Variants in HPCAL1 observed in about 807,000 individuals in gnomAD.
HPCAL1 encodes the protein hippocalcin-like protein 1.
Under a neutral mutation model 17.1 loss-of-function variants are expected in HPCAL1, and 8 were observed. The ratio of observed to expected loss-of-function variants is 0.47; its 90% confidence interval spans 0.27 to 0.84. The LOEUF (loss-of-function observed/expected upper bound fraction) is 0.84, where lower values mean the gene tolerates loss of function less well. Among genes scored for constraint, HPCAL1 ranks in the 40% least tolerant of loss-of-function variants. HPCAL1 has a pLI of 0.13. For missense variants in HPCAL1, 165 were observed against 271.1 expected (o/e 0.61, Z 2.75); for synonymous variants, 112 against 111.4 (o/e 1.01, Z -0.03).
chr2:10,363,702 G>A lies in HPCAL1; in HGVS notation c.-110-33133G>A, dbSNP rs906961201. Among the ~76,000 whole-genome samples, 12 of 152,200 alleles carry A rather than the reference G, an allele frequency of 7.9e-5. No individual in the cohort carries two copies. Among genetic ancestry groups the A allele is most frequent in the Non-Finnish European group, 1.2e-4 (8 of 68,032 alleles). On this transcript the variant is annotated intron_variant, in intron 1 of 4. Coordinates refer to ENST00000307845, the MANE Select transcript of HPCAL1 (RefSeq NM_002149.4). This position sits in a 1 kb window ranked among gnomAD's most constrained non-coding sequence, Gnocchi z 4.7. The stretch of plus-strand genomic sequence containing the variant: ...GGAATCTGCATTTTAAACAAGCTCC[G>A]GAGGTGGCTCTGAGGCCAGCCACAG...
intron 2 of HPCAL1, among the ~76,000 whole-genome samples, chr2:10,399,475 T>TCACCAC: frequency 3.4e-5 from 1 of 29,390 alleles, no homozygotes; most frequent in South Asian, 1.0e-3. Flanking sequence ...ATCACCATCA[T>TCACCAC]CACCACCATC....
At chr2:10,387,496 A>G (rs1668393563) in intron 1 of HPCAL1, among the ~76,000 whole-genome samples, 1 of 152,296 alleles carries the variant, frequency 6.6e-6, no homozygotes, top group South Asian at 2.1e-4. Flanking sequence ...GGGCACAGGG[A>G]CAACCTCACC....
In HPCAL1 at chr2:10,395,465, T is replaced by C. The variant is rs1322374573; in HGVS notation, c.-110-1370T>C. Among the ~76,000 whole-genome samples, 1 of 114,258 alleles carries C rather than the reference T, an allele frequency of 8.8e-6. No individual in the cohort carries two copies. Among genetic ancestry groups the C allele is most frequent in the African/African-American group, 3.3e-5 (1 of 30,534 alleles). 75.0% of individuals were successfully genotyped at this position (114,258 alleles called of 152,430 possible). ...CTTGTGGCGCTCACAGTCAGGGGGG[T>C]GGGTTGGTGGGTGGGTGGAAGGAGG... is the stretch of plus-strand genomic sequence containing the variant. On this transcript the variant is annotated intron_variant, in intron 1 of 4. Coordinates refer to ENST00000307845, the MANE Select transcript of HPCAL1 (RefSeq NM_002149.4). This position sits in a 1 kb window ranked among gnomAD's most constrained non-coding sequence, Gnocchi z 4.4.
chr2:10,409,266 T>G (rs182891274), intron 2 of HPCAL1, among the ~76,000 whole-genome samples: 138 of 152,238 alleles, frequency 9.1e-4, no homozygotes, highest in African/African-American at 3.0e-3. Flanking sequence ...GGGCGGGGTC[T>G]CAGCTCAGGC....
intron 1 of HPCAL1, among the ~76,000 whole-genome samples, chr2:10,361,032 A>G (rs1666490804): frequency 6.8e-6 from 1 of 147,812 alleles, no homozygotes; most frequent in South Asian, 2.2e-4. Flanking sequence ...TGGGAATGAC[A>G]TAGTCGGACA....
chr2:10,427,173 C>T lies in HPCAL1; in HGVS notation c.*352C>T, dbSNP rs146566442. 8.8e-5 allele frequency: 22 copies of T among 249,894 alleles called. No individual in the cohort carries two copies. In the East Asian group the frequency reaches 1.8e-3, roughly 20 times the overall value. The allele number at this position is 249,894 out of a possible 1,614,324, so 15.5% of individuals were successfully genotyped here. A position where few individuals can be genotyped will look rare whatever the true frequency, so the allele number is the denominator to read the frequency against. On this transcript the variant is annotated 3_prime_UTR_variant, in exon 5 of 5. Transcript: ENST00000307845. ...GAGGCTGCGCCCCGGCCGGCCCATG[C>T]GTTTTGTGATCCCAAGTGACTCTGT...
At chr2:10,376,969 T>C (rs141053708) in intron 1 of HPCAL1, among the ~76,000 whole-genome samples, 2,765 of 145,608 alleles carry the variant, frequency 0.019, 113 homozygotes, top group South Asian at 0.08. Context: ...CATACCGTAT[T>C]GTATTGTGTG....
rs569439661 is a variant in HPCAL1, at chr2:10,362,381, G to A, written c.-110-34454G>A. Among the ~76,000 whole-genome samples the A allele has an allele frequency of 2.0e-4, 30 of 152,254 alleles. No homozygotes were observed. The highest frequency in any genetic ancestry group is 5.8e-4 in the African/African-American group (24 of 41,554). On this transcript the variant is annotated intron_variant, in intron 1 of 4. Coordinates refer to ENST00000307845, the MANE Select transcript of HPCAL1 (RefSeq NM_002149.4). This position sits in a 1 kb window ranked among gnomAD's most constrained non-coding sequence, Gnocchi z 5.0. ...GCCACATGACAGCAAGCAGAGCCTC[G>A]AATGCCTGAGTCCTGGCTCCAGAGA...
At chr2:10,314,247 A>G (rs1294465648) in intron 1 of HPCAL1, among the ~76,000 whole-genome samples, 1 of 151,164 alleles carries the variant, frequency 6.6e-6, no homozygotes, top group Non-Finnish European at 1.5e-5. Flanking sequence ...AACTGATAAC[A>G]TTGAGGAATA....
chr2:10,334,850 G>A (rs1483710716), intron 1 of HPCAL1, among the ~76,000 whole-genome samples: 1 of 152,040 alleles, frequency 6.6e-6, no homozygotes, highest in African/African-American at 2.4e-5. Flanking sequence ...GCTAATTTTT[G>A]TATTTTTTAT....
At position 10,412,904 on chromosome 2, in the gene HPCAL1, T is replaced by C. The variant is rs531203299; in HGVS notation, c.-24-6830T>C. Among the ~76,000 whole-genome samples, 12 of 152,292 alleles carry C rather than the reference T, an allele frequency of 7.9e-5. 1 individual carries two copies. Among genetic ancestry groups the C allele is most frequent in the Admixed American group, 1.3e-4 (2 of 15,308 alleles). ...TGATCAAGGTCATAGGCACAGTCTTTCTTTTCTTTTTCTTGTTCTCCTTGT... is the reference window on the plus strand; with the variant it reads ...TGATCAAGGTCATAGGCACAGTCTTCCTTTTCTTTTTCTTGTTCTCCTTGT... On this transcript the variant is annotated intron_variant, in intron 2 of 4. Coordinates refer to ENST00000307845, the MANE Select transcript of HPCAL1 (RefSeq NM_002149.4).
chr2:10,397,499 C>T (rs1033199693), intron 2 of HPCAL1, among the ~76,000 whole-genome samples: 2 of 149,272 alleles, frequency 1.3e-5, no homozygotes, highest in African/African-American at 5.0e-5. Context: ...TGTCTGAATC[C>T]GCCACCCTGC....
intron 2 of HPCAL1, among the ~76,000 whole-genome samples, chr2:10,403,204 G>A (rs527632351): frequency 2.1e-4 from 32 of 152,234 alleles, no homozygotes; most frequent in Middle Eastern, 6.8e-3. Flanking sequence ...CAGGTGCTTT[G>A]GAAGCCTCCT....
At chr2:10,317,113 C>G (rs1477391116) in intron 1 of HPCAL1, among the ~76,000 whole-genome samples, 1 of 152,170 alleles carries the variant, frequency 6.6e-6, no homozygotes, top group Non-Finnish European at 1.5e-5. Context: ...CCCAGTTGTC[C>G]TGGAAAAGAA....
intron 1 of HPCAL1, among the ~76,000 whole-genome samples, chr2:10,308,616 G>T (rs1662769817): frequency 6.6e-6 from 1 of 152,102 alleles, no homozygotes; most frequent in Non-Finnish European, 1.5e-5. Flanking sequence ...TGGCCATCCC[G>T]CTGCTAGATG....
Position 10,395,087 on chromosome 2 carries a change from G to A in HPCAL1, c.-110-1748G>A, listed in dbSNP as rs1668930792. On this transcript the variant is annotated intron_variant, in intron 1 of 4. Transcript: ENST00000307845. This position sits in a 1 kb window ranked among gnomAD's most constrained non-coding sequence, Gnocchi z 4.4. ...GCTGGGATTACAGGCGTGAACAATG[G>A]TGTCCAGCCTAAAATCTATCTTTAA... is the stretch of plus-strand genomic sequence containing the variant. Among the ~76,000 whole-genome samples the A allele has an allele frequency of 6.6e-6, 1 of 150,376 alleles. No individual in the cohort carries two copies. The highest frequency in any genetic ancestry group is 2.5e-5 in the African/African-American group (1 of 40,636).
At chr2:10,422,326 C>T (rs958547429) in intron 3 of HPCAL1, among the ~76,000 whole-genome samples, 1 of 152,202 alleles carries the variant, frequency 6.6e-6, no homozygotes, top group Non-Finnish European at 1.5e-5. Flanking sequence ...GCAGTGCCAC[C>T]ACTCCCCACG....
At chr2:10,361,260 CAGAG>C (rs34257751) in intron 1 of HPCAL1, among the ~76,000 whole-genome samples, 159 of 145,856 alleles carry the variant, frequency 1.1e-3, no homozygotes, top group African/African-American at 3.3e-3. Flanking sequence ...GGGTGGATCC[CAGAG>C]AGAGAGAGAG....
At chr2:10,374,613 T>C (rs1667428956) in intron 1 of HPCAL1, among the ~76,000 whole-genome samples, 1 of 152,188 alleles carries the variant, frequency 6.6e-6, no homozygotes, top group Non-Finnish European at 1.5e-5. Flanking sequence ...CCTCCAGAAA[T>C]GCAGGGAGAC....
Sources: allele counts gnomAD v4.1 joint callset (sites outside exome capture counted in the v4.1 genomes callset), GRCh38; gene constraint gnomAD v4.1.1; non-coding constraint Gnocchi (gnomAD v3.1); transcripts MANE v1.5; gene names NCBI Gene and HGNC (gene_info 2026-07-23, HGNC 2026-07-21).